ROBO1: variants seen among roughly 807,000 people sequenced by gnomAD.
ROBO1 encodes the protein roundabout guidance receptor 1.
In ROBO1, 149 loss-of-function variants were observed where a neutral mutation model predicts 195.9. That is an observed-to-expected ratio of 0.76 (90% CI 0.67 to 0.87). The LOEUF (loss-of-function observed/expected upper bound fraction) is 0.87, where lower values mean the gene tolerates loss of function less well. Ranked by LOEUF, ROBO1 falls within the 40% of genes least tolerant of loss-of-function variation. The probability of loss-of-function intolerance (pLI) is 0.00; values close to 1 mark genes in which losing one functional copy is unlikely to be tolerated. For missense variants in ROBO1, 1,933 were observed against 2,068.3 expected (o/e 0.93, Z 1.27); for synonymous variants, 816 against 733.2 (o/e 1.11, Z -1.82).
intron 2 of ROBO1, among the ~76,000 whole-genome samples, chr3:79,395,116 G>A (rs1336023426): frequency 6.6e-6 from 1 of 151,844 alleles, no homozygotes; most frequent in Admixed American, 6.6e-5. Flanking sequence ...GAGGTCAGGA[G>A]ATCAAGACCA....
intron 3 of ROBO1, chr3:79,018,837 G>A: frequency 2.0e-6 from 2 of 1,008,936 alleles, no homozygotes; most frequent in South Asian, 8.7e-5. Context: ...GCCGAGCGCC[G>A]CTGCGAGGGC....
At chr3:79,251,551 G>C (rs2108910155) in intron 2 of ROBO1, among the ~76,000 whole-genome samples, 1 of 152,268 alleles carries the variant, frequency 6.6e-6, no homozygotes, top group South Asian at 2.1e-4. Flanking sequence ...AGGAGATTCA[G>C]ACCATCCTGG....
intron 1 of ROBO1, among the ~76,000 whole-genome samples, chr3:79,713,845 T>C (rs1702372912): frequency 6.6e-6 from 1 of 152,162 alleles, no homozygotes; most frequent in Admixed American, 6.6e-5. Context: ...ATTTATTAAA[T>C]AGGGAATCCT....
chr3:79,160,603 A>G (rs2080940689), intron 2 of ROBO1, among the ~76,000 whole-genome samples: 4 of 152,048 alleles, frequency 2.6e-5, no homozygotes, highest in African/African-American at 7.2e-5. Flanking sequence ...TGTAAAATTT[A>G]AAGTCAACAC....
At chr3:79,495,707 T>C (rs1939692583) in intron 2 of ROBO1, among the ~76,000 whole-genome samples, 1 of 152,212 alleles carries the variant, frequency 6.6e-6, no homozygotes, top group African/African-American at 2.4e-5. Context: ...CATAATCTTA[T>C]ATATTAATTT....
At chr3:79,766,613 G>T (rs1705010731) in intron 1 of ROBO1, among the ~76,000 whole-genome samples, 1 of 152,004 alleles carries the variant, frequency 6.6e-6, no homozygotes, top group Non-Finnish European at 1.5e-5. Context: ...CAGCAGTGGG[G>T]TTGCCACGCC....
intron 4 of ROBO1, among the ~76,000 whole-genome samples, chr3:78,935,520 A>T (rs1457688746): frequency 2.0e-5 from 3 of 152,044 alleles, no homozygotes; most frequent in Non-Finnish European, 4.4e-5. Flanking sequence ...CATAACATGG[A>T]GTTCTAAGTT....
chr3:78,686,836 G>A (rs2081063057), intron 9 of ROBO1, among the ~76,000 whole-genome samples: 3 of 152,038 alleles, frequency 2.0e-5, no homozygotes, highest in Admixed American at 1.3e-4. Flanking sequence ...GTTAATTGGT[G>A]AGAATATCTG....
chr3:78,937,047 G>A (rs1176132931), intron 4 of ROBO1, among the ~76,000 whole-genome samples: 1 of 151,992 alleles, frequency 6.6e-6, no homozygotes, highest in African/African-American at 2.4e-5. Flanking sequence ...AAAATGAATA[G>A]CTAGTTTTAA....
At chr3:79,018,015 C>A (rs1012195817) in intron 3 of ROBO1, among the ~76,000 whole-genome samples, 7 of 152,154 alleles carry the variant, frequency 4.6e-5, no homozygotes, top group African/African-American at 1.7e-4. Context: ...GCGCACATTT[C>A]CCTCCCCAGG....
chr3:78,622,355 T>C (rs555638503), intron 26 of ROBO1, among the ~76,000 whole-genome samples: 1 of 152,328 alleles, frequency 6.6e-6, no homozygotes, highest in East Asian at 1.9e-4. Context: ...TCAATAAATA[T>C]AAATGTAATC....
chr3:78,960,829 CACACAA>C (rs1409604647), intron 3 of ROBO1, among the ~76,000 whole-genome samples: 3 of 127,542 alleles, frequency 2.4e-5, no homozygotes, highest in Admixed American at 8.1e-5. Context: ...CACACACACA[CACACAA>C]AATGAAAATG....
At chr3:78,733,654 G>A (rs905259747) in intron 5 of ROBO1, among the ~76,000 whole-genome samples, 4 of 152,062 alleles carry the variant, frequency 2.6e-5, no homozygotes, top group African/African-American at 9.7e-5. Flanking sequence ...GGAACATTGA[G>A]AATTAAATAA....
intron 2 of ROBO1, among the ~76,000 whole-genome samples, chr3:79,502,643 C>G (rs1940154347): frequency 6.6e-6 from 1 of 152,136 alleles, no homozygotes; most frequent in Admixed American, 6.5e-5. Context: ...CTCCACCTGC[C>G]GCCCCATGCG....
At chr3:79,292,058 G>A (rs887499899) in intron 2 of ROBO1, among the ~76,000 whole-genome samples, 13 of 152,064 alleles carry the variant, frequency 8.5e-5, no homozygotes, top group South Asian at 2.1e-4. Context: ...GAATACCCCC[G>A]TATATCCTAC....
chr3:79,094,549 G>A (rs1382421448), intron 3 of ROBO1, among the ~76,000 whole-genome samples: 4 of 152,066 alleles, frequency 2.6e-5, no homozygotes, highest in African/African-American at 7.2e-5. Context: ...TTCCAATGAA[G>A]ATTAAAAAAT....
At chr3:79,573,892 G>A (rs1162226502) in intron 2 of ROBO1, among the ~76,000 whole-genome samples, 1 of 151,988 alleles carries the variant, frequency 6.6e-6, no homozygotes, top group Non-Finnish European at 1.5e-5. Context: ...AAGAGCAACA[G>A]GTAAAAACAA....
intron 3 of ROBO1, among the ~76,000 whole-genome samples, chr3:79,052,768 T>C (rs1168938177): frequency 1.3e-5 from 2 of 152,102 alleles, no homozygotes; most frequent in Non-Finnish European, 1.5e-5. Flanking sequence ...ATGGTCTTTC[T>C]TTTTTCCCAA....
chr3:79,401,167 C>T, intron 2 of ROBO1, among the ~76,000 whole-genome samples: 1 of 151,368 alleles, frequency 6.6e-6, no homozygotes. Flanking sequence ...TAAATTATTC[C>T]TAAGAATTAC....
Sources: gnomAD v4.1 joint callset for allele counts (sites outside exome capture counted in the v4.1 genomes callset) on GRCh38, gnomAD v4.1.1 for gene constraint, MANE v1.5 for transcripts, NCBI Gene and HGNC (gene_info 2026-07-23, HGNC 2026-07-21) for gene names.